CACNA2D3: variants seen among roughly 807,000 people sequenced by gnomAD.
The protein encoded by CACNA2D3 is voltage-dependent calcium channel subunit alpha-2/delta-3.
Under a neutral mutation model 160.6 loss-of-function variants are expected in CACNA2D3, and 60 were observed. The observed-to-expected ratio is 0.37, with a 90% confidence interval of 0.30 to 0.46. CACNA2D3 has a LOEUF of 0.46. CACNA2D3 is among the 20% of genes least tolerant of loss of function. The probability of loss-of-function intolerance (pLI) is 1.00; values close to 1 mark genes in which losing one functional copy is unlikely to be tolerated. For synonymous variants in CACNA2D3, 558 were observed against 492.9 expected, an observed-to-expected ratio of 1.13 and a Z score of -1.75; for missense variants, 1,205 against 1,365.0, an observed-to-expected ratio of 0.88 and a Z score of 1.85.
intron 4 of CACNA2D3, among the ~76,000 whole-genome samples, chr3:54,449,224 A>C (rs184222235): frequency 6.6e-6 from 1 of 152,208 alleles, no homozygotes; most frequent in Non-Finnish European, 1.5e-5. Context: ...CACAAGAGAG[A>C]GAGCGCTCTG....
At chr3:54,927,819 A>G (rs1260008315) in intron 27 of CACNA2D3, 1 of 1,424,020 alleles carries the variant, frequency 7.0e-7, no homozygotes, top group Non-Finnish European at 9.9e-7. Context: ...CGACTTGAAA[A>G]TAGATTTCCC....
intron 5 of CACNA2D3, among the ~76,000 whole-genome samples, chr3:54,526,373 A>G (rs773223888): frequency 3.9e-5 from 6 of 151,946 alleles, no homozygotes; most frequent in Admixed American, 6.6e-5. Context: ...TTCTTTGTGT[A>G]TGTGTCATAT....
chr3:54,691,156 A>G (rs1238856935), intron 11 of CACNA2D3, among the ~76,000 whole-genome samples: 1 of 152,142 alleles, frequency 6.6e-6, no homozygotes, highest in Non-Finnish European at 1.5e-5. Context: ...AGAGCCTTCT[A>G]CCACCCATGA....
chr3:54,525,883 T>A (rs142876586), intron 5 of CACNA2D3, among the ~76,000 whole-genome samples: 2 of 152,194 alleles, frequency 1.3e-5, no homozygotes, highest in Admixed American at 1.3e-4. Context: ...TTTTCAATAA[T>A]TTTAGAAAGT....
rs73071967 is a variant in CACNA2D3, at chr3:54,998,495, A to C, written c.2691-6268A>C. ...ACCTGGGTAAGATGCTGATGGGATT[A>C]ATATCTCAGTATCTACAATTTTGTT... On this transcript the variant is annotated intron_variant, in intron 31 of 37. Transcript: ENST00000474759. Among the ~76,000 whole-genome samples the C allele has an allele frequency of 7.1e-3, 1,087 of 152,234 alleles. 12 individuals are homozygous for C. The highest frequency in any genetic ancestry group is 9.0e-3 in the Non-Finnish European group (609 of 67,988).
At chr3:54,916,474 T>C (rs1700660994) in intron 27 of CACNA2D3, among the ~76,000 whole-genome samples, 1 of 152,186 alleles carries the variant, frequency 6.6e-6, no homozygotes, top group East Asian at 1.9e-4. Flanking sequence ...TTCTTTGATC[T>C]ACAATTTAAG....
chr3:54,786,932 A>C (rs1466024887), intron 13 of CACNA2D3, among the ~76,000 whole-genome samples: 1 of 152,226 alleles, frequency 6.6e-6, no homozygotes, highest in Non-Finnish European at 1.5e-5. Flanking sequence ...TCAACTTGCT[A>C]TCACTTTTGG....
At chr3:54,889,168 G>T (rs1699997898) in intron 24 of CACNA2D3, among the ~76,000 whole-genome samples, 1 of 152,200 alleles carries the variant, frequency 6.6e-6, no homozygotes, top group Non-Finnish European at 1.5e-5. Context: ...AGAGGATGAG[G>T]CTGCAGAGGG....
intron 9 of CACNA2D3, among the ~76,000 whole-genome samples, chr3:54,617,763 CAGCTGTGTGCTCAAG>C (rs1233256438): frequency 2.0e-5 from 3 of 152,142 alleles, no homozygotes; most frequent in Non-Finnish European, 4.4e-5. Flanking sequence ...CTGATGTAGG[CAGCTGTGTGCTCAAG>C]AGCTTGCTGG....
intron 5 of CACNA2D3, among the ~76,000 whole-genome samples, chr3:54,536,492 T>C (rs1263039176): frequency 6.6e-6 from 1 of 152,246 alleles, no homozygotes; most frequent in Non-Finnish European, 1.5e-5. Flanking sequence ...TCCATGCTCC[T>C]ATGATGGGAA....
chr3:54,676,779 T>C (rs1307922681), intron 11 of CACNA2D3, among the ~76,000 whole-genome samples: 2 of 152,136 alleles, frequency 1.3e-5, no homozygotes, highest in Non-Finnish European at 2.9e-5. Context: ...AACCTAAAAA[T>C]AAAGTTCGAT....
chr3:54,948,362 A>G (rs2107007845), intron 27 of CACNA2D3, among the ~76,000 whole-genome samples: 1 of 152,330 alleles, frequency 6.6e-6, no homozygotes, highest in South Asian at 2.1e-4. Flanking sequence ...TTGTCATTAG[A>G]AAAAAATTAA....
intron 12 of CACNA2D3, among the ~76,000 whole-genome samples, chr3:54,763,594 C>T (rs1192727533): frequency 6.7e-6 from 1 of 148,662 alleles, no homozygotes; most frequent in African/African-American, 2.5e-5. Context: ...AGGGAATAAA[C>T]ACACACACAC....
intron 13 of CACNA2D3, among the ~76,000 whole-genome samples, chr3:54,813,901 G>A (rs1575490950): frequency 7.7e-6 from 1 of 130,632 alleles, no homozygotes; most frequent in Non-Finnish European, 1.6e-5. Flanking sequence ...ATCTCACTCT[G>A]TCGCCCAGGC....
chr3:54,209,211 T>A (rs1311352009), intron 2 of CACNA2D3, among the ~76,000 whole-genome samples: 1 of 152,146 alleles, frequency 6.6e-6, no homozygotes, highest in African/African-American at 2.4e-5. Flanking sequence ...ACTCACATAA[T>A]TTTTGGAAGA....
chr3:54,218,835 G>A (rs979688912), intron 2 of CACNA2D3, among the ~76,000 whole-genome samples: 2 of 152,008 alleles, frequency 1.3e-5, no homozygotes, highest in South Asian at 2.1e-4. Context: ...CTCTTCCAGC[G>A]GTGGCATTAC....
intron 35 of CACNA2D3, among the ~76,000 whole-genome samples, chr3:55,041,716 A>C (rs1703964839): frequency 6.6e-6 from 1 of 150,862 alleles, no homozygotes; most frequent in Non-Finnish European, 1.5e-5. Flanking sequence ...CTTTGGGTTT[A>C]TTTGCTTTTT....
At chr3:54,652,286 A>G (rs1699783613) in intron 11 of CACNA2D3, among the ~76,000 whole-genome samples, 1 of 152,206 alleles carries the variant, frequency 6.6e-6, no homozygotes, top group Non-Finnish European at 1.5e-5. Context: ...TTCATGCAAC[A>G]GGTATTTATT....
rs374217152 is a variant in CACNA2D3 at position 54,878,999 on chromosome 3, T to A, written c.1711-19T>A. 3 of 1,553,116 alleles carry A rather than the reference T, an allele frequency of 1.9e-6. No homozygotes were observed. The African/African-American group carries it at 4.1e-5, about 21-fold the overall frequency. ...ATAACCCAGGGAAGAACTAACACAC[T>A]TTTCTTTTATCATTTTAGTTGAGAA... On this transcript the variant is annotated intron_variant, in intron 18 of 37. Coordinates refer to ENST00000474759, the MANE Select transcript of CACNA2D3 (RefSeq NM_018398.3).
Sources: allele counts gnomAD v4.1 joint callset (sites outside exome capture counted in the v4.1 genomes callset), GRCh38; gene constraint gnomAD v4.1.1; transcripts MANE v1.5; gene names NCBI Gene and HGNC (gene_info 2026-07-23, HGNC 2026-07-21).